The following FTCDNL1 variants were observed in gnomAD, a reference collection of about 807,000 sequenced individuals.
FTCDNL1 encodes formiminotransferase cyclodeaminase N-terminal like.
A neutral mutation model predicts 5.9 loss-of-function variants in FTCDNL1; 11 were observed. The observed-to-expected ratio is 1.87, with a 90% CI of 1.18 to 3.10. The LOEUF (loss-of-function observed/expected upper bound fraction) is 3.10. FTCDNL1 is among the 30% of genes most tolerant of loss of function. The pLI is 0.00. For synonymous variants in FTCDNL1, 58 were observed against 24.8 expected (o/e 2.34, Z -3.99); for missense variants, 115 against 65.5 (o/e 1.76, Z -2.61).
chr2:199,720,983 C>G, the FTCDNL1 span, among the ~76,000 whole-genome samples: 1 of 152,146 alleles, frequency 6.6e-6, no homozygotes, highest in African/African-American at 2.4e-5. Flanking sequence ...GATTCTATGC[C>G]TAGGAAAGTC....
rs1400561877 is a variant in FTCDNL1 at position 199,770,968 on chromosome 2, G to A, written c.212-10133C>T. On this transcript the variant is annotated intron_variant, in intron 3 of 3. Transcript: ENST00000416668. ...CAGCCCTGTTAGAGGCTGAGCCCTG[G>A]AGTCCTGAATACTCAGACCAAATGC... Among the ~76,000 whole-genome samples, 4 of 152,348 alleles carry A rather than the reference G, an allele frequency of 2.6e-5. No individual in the cohort carries two copies. In the East Asian group the frequency reaches 7.7e-4, roughly 29 times the overall value.
chr2:199,686,966 T>C, the FTCDNL1 span, among the ~76,000 whole-genome samples: 16 of 152,234 alleles, frequency 1.1e-4, no homozygotes, highest in African/African-American at 3.9e-4. Flanking sequence ...GATTTACCTC[T>C]AAGTTTTAGG....
At chr2:199,722,142 T>A in the FTCDNL1 span, among the ~76,000 whole-genome samples, 2,657 of 152,344 alleles carry the variant, frequency 0.017, 89 homozygotes, top group African/African-American at 0.061. Context: ...TAGATCTCAT[T>A]TGTCAATTTT....
the FTCDNL1 span, among the ~76,000 whole-genome samples, chr2:199,735,738 G>T: frequency 1.3e-5 from 2 of 152,176 alleles, no homozygotes; most frequent in African/African-American, 4.8e-5. Context: ...CTCGCACTAA[G>T]GCTGTGTCTT....
At chr2:199,778,670 G>A (rs975445470) in intron 3 of FTCDNL1, among the ~76,000 whole-genome samples, 1 of 152,160 alleles carries the variant, frequency 6.6e-6, no homozygotes, top group Non-Finnish European at 1.5e-5. Flanking sequence ...CTCCATTAAA[G>A]GGTATGCCCA....
At chr2:199,719,807 T>A in the FTCDNL1 span, among the ~76,000 whole-genome samples, 24 of 152,018 alleles carry the variant, frequency 1.6e-4, no homozygotes, top group African/African-American at 5.6e-4. Flanking sequence ...GCTAATTTTT[T>A]AATATTTTTT....
the FTCDNL1 span, among the ~76,000 whole-genome samples, chr2:199,746,937 G>A: frequency 4.6e-5 from 7 of 151,996 alleles, no homozygotes; most frequent in Non-Finnish European, 5.9e-5. Context: ...TGGGTTGTGA[G>A]TTCAGATTCA....
chr2:199,776,956 ATATG>A (rs1475346389), intron 3 of FTCDNL1, among the ~76,000 whole-genome samples: 33 of 110,230 alleles, frequency 3.0e-4, no homozygotes, highest in African/African-American at 8.8e-4. Context: ...AGATGTGTGT[ATATG>A]TGTGTGTGTG....
the FTCDNL1 span, among the ~76,000 whole-genome samples, chr2:199,718,998 G>A: frequency 6.6e-6 from 1 of 151,754 alleles, no homozygotes; most frequent in Non-Finnish European, 1.5e-5. Flanking sequence ...TCTGTAGGTT[G>A]TTTACTCTGT....
the FTCDNL1 span, among the ~76,000 whole-genome samples, chr2:199,703,255 T>C: frequency 6.6e-6 from 1 of 151,690 alleles, no homozygotes; most frequent in Non-Finnish European, 1.5e-5. Context: ...GACTCTGGGT[T>C]TTATTCTAAG....
At chr2:199,786,745 A>C (rs1315335100) in intron 3 of FTCDNL1, among the ~76,000 whole-genome samples, 4 of 152,022 alleles carry the variant, frequency 2.6e-5, no homozygotes, top group African/African-American at 9.7e-5. Context: ...TTGAAACACT[A>C]GCACTGCCTG....
intron 4 of FTCDNL1, among the ~76,000 whole-genome samples, chr2:199,814,150 T>G (rs1701211602): frequency 6.6e-6 from 1 of 152,154 alleles, no homozygotes; most frequent in Admixed American, 6.5e-5. Flanking sequence ...TATCATTATA[T>G]ATTGGTATTT....
At chr2:199,758,451 CAAAAAA>C (rs754047700), downstream of FTCDNL1, among the ~76,000 whole-genome samples, 1 of 93,270 alleles carries the variant, frequency 1.1e-5, no homozygotes, top group Non-Finnish European at 2.3e-5. Context: ...CCATTCCCAC[CAAAAAA>C]AAAAAAAAAA....
the FTCDNL1 span, among the ~76,000 whole-genome samples, chr2:199,746,226 CAGTTGTGTCGTACTAG>C: frequency 6.6e-6 from 1 of 152,172 alleles, no homozygotes; most frequent in Non-Finnish European, 1.5e-5. Flanking sequence ...ATTCCTCTGA[CAGTTGTGTCGTACTAG>C]AAACTCACCC....
downstream of FTCDNL1, among the ~76,000 whole-genome samples, chr2:199,757,411 C>T (rs536266863): frequency 1.3e-5 from 2 of 152,118 alleles, no homozygotes; most frequent in Non-Finnish European, 1.5e-5. Context: ...CAGCTCCAGG[C>T]GGTTCCAGCT....
chr2:199,710,531 C>T, the FTCDNL1 span, among the ~76,000 whole-genome samples: 1 of 152,056 alleles, frequency 6.6e-6, no homozygotes, highest in Non-Finnish European at 1.5e-5. Flanking sequence ...GTGTTCCCAG[C>T]GACTTTATAG....
chr2:199,790,224 G>A (rs1004161002), intron 3 of FTCDNL1, among the ~76,000 whole-genome samples: 38 of 152,034 alleles, frequency 2.5e-4, no homozygotes, highest in African/African-American at 8.0e-4. Flanking sequence ...GCGGCTGGGC[G>A]CGGTGACTCA....
the FTCDNL1 span, among the ~76,000 whole-genome samples, chr2:199,729,259 T>C: frequency 2.0e-5 from 3 of 152,192 alleles, no homozygotes; most frequent in Non-Finnish European, 2.9e-5. Context: ...GCATTGTAGC[T>C]TAAATAAAGA....
the FTCDNL1 span, among the ~76,000 whole-genome samples, chr2:199,704,401 G>A: frequency 6.6e-6 from 1 of 152,110 alleles, no homozygotes; most frequent in East Asian, 1.9e-4. Flanking sequence ...GTTGGGGGTC[G>A]AGGGGCAAGT....
Sources: allele counts gnomAD v4.1 joint callset (sites outside exome capture counted in the v4.1 genomes callset), GRCh38; gene constraint gnomAD v4.1.1; transcripts MANE v1.5; gene names NCBI Gene and HGNC (gene_info 2026-07-23, HGNC 2026-07-21).